Variants in SYNE2 observed in about 807,000 individuals in gnomAD.
SYNE2 encodes nesprin-2.
Under a neutral mutation model 856.3 loss-of-function variants are expected in SYNE2, and 431 were observed. The observed-to-expected ratio is 0.50, with a 90% CI of 0.47 to 0.55. The LOEUF (loss-of-function observed/expected upper bound fraction) is 0.55, where lower values mean the gene tolerates loss of function less well. SYNE2 is among the 20% of genes least tolerant of loss of function. The probability of loss-of-function intolerance (pLI) is 0.00; values close to 1 mark genes in which losing one functional copy is unlikely to be tolerated. For synonymous variants in SYNE2, 2,923 were observed against 2,872.3 expected, an observed-to-expected ratio of 1.02 and a Z score of -0.56; for missense variants, 8,129 against 8,023.2, an observed-to-expected ratio of 1.01 and a Z score of -0.50.
Position 64,186,473 on chromosome 14 carries a change from A to G in SYNE2, c.17606A>G (p.Gln5869Arg). The change falls in exon 97 of 116, where the codon CAA becomes CGA. Residue 5869 changes from glutamine (Q) to arginine (R), a missense_variant. Transcript: ENST00000555002. ...TGGACTCAGAACTTGAAAGAACTTC[A>G]AACTATGAAGGCGGACTTAACCCGG... ...ASWTQNLKELQTMKADLTRHV... is the reference protein window; with the variant it reads ...ASWTQNLKELRTMKADLTRHV... The G allele has an allele frequency of 1.2e-6, 2 of 1,614,252 alleles. No homozygotes were observed.
chr14:63,770,013 A>C (rs1249521945), intron 1 of SYNE2, among the ~76,000 whole-genome samples: 1 of 152,048 alleles, frequency 6.6e-6, no homozygotes, highest in Non-Finnish European at 1.5e-5. Context: ...CTCCGCGGAC[A>C]AGCAATCCTC....
At chr14:63,834,267 G>C (rs984161119) in intron 1 of SYNE2, among the ~76,000 whole-genome samples, 2 of 152,018 alleles carry the variant, frequency 1.3e-5, no homozygotes, top group Non-Finnish European at 2.9e-5. Flanking sequence ...AGAGGTTGAG[G>C]CATAAAAATT....
intron 85 of SYNE2, among the ~76,000 whole-genome samples, chr14:64,154,283 C>A (rs937537651): frequency 2.0e-5 from 3 of 151,096 alleles, no homozygotes; most frequent in Non-Finnish European, 2.9e-5. Context: ...AGAATGACAC[C>A]AAAATCGTAA....
Position 64,214,473 on chromosome 14 carries a change from A to C in SYNE2, c.19333+3A>C. 6.2e-7 allele frequency: 1 copy of C among 1,610,950 alleles called. No individual in the cohort carries two copies. The highest frequency in any genetic ancestry group is 1.1e-5 in the South Asian group (1 of 90,886). On this transcript the variant is annotated splice_donor_region_variant and intron_variant, in intron 106 of 115. Coordinates refer to ENST00000555002, the MANE Select transcript of SYNE2 (RefSeq NM_182914.3). The stretch of plus-strand genomic sequence containing the variant: ...CCCATACTACAGCGCACTGTCAGGT[A>C]ACAGCTGGGTTCCCAGCACCCTGGA...
intron 105 of SYNE2, 71 bp downstream of exon 105, chr14:64,213,076 A>T: frequency 6.6e-7 from 1 of 1,505,862 alleles, no homozygotes; most frequent in Non-Finnish European, 9.2e-7. Flanking sequence ...TTTTTAAAGA[A>T]TTAGGGGACC....
In SYNE2 at chr14:63,912,053, G is replaced by A. The variant is rs559979315; in HGVS notation, c.79+2826G>A. 1.9e-3 allele frequency among the ~76,000 whole-genome samples: 287 copies of A among 152,294 alleles called. 2 individuals carry two copies. Among genetic ancestry groups the A allele is most frequent in the African/African-American group, 6.8e-3 (281 of 41,560 alleles). The stretch of plus-strand genomic sequence containing the variant: ...GCTGTCTTAGGGGGACTGGTAGAAA[G>A]CCAATACTATAATGTCAAGGTGACG... On this transcript the variant is annotated intron_variant, in intron 2 of 115. Transcript: ENST00000555002.
chr14:63,957,879 A>T (rs2096260851), intron 8 of SYNE2, among the ~76,000 whole-genome samples: 1 of 151,850 alleles, frequency 6.6e-6, no homozygotes, highest in South Asian at 2.1e-4. Context: ...GACTTGGGAG[A>T]GTTATGCTCA....
intron 46 of SYNE2, chr14:64,049,325 C>T (rs2097207719): frequency 6.2e-6 from 1 of 160,836 alleles, no homozygotes; most frequent in Admixed American, 6.5e-5. Context: ...GTGACATGCA[C>T]CTGTAGTCCT....
chr14:64,035,269 T>G (rs143713579), intron 45 of SYNE2, among the ~76,000 whole-genome samples: 70 of 152,142 alleles, frequency 4.6e-4, no homozygotes, highest in African/African-American at 1.6e-3. Context: ...AGAATTTGAA[T>G]GAGAAGGAAA....
At chr14:64,100,532 ATAT>A (rs1396264193) in intron 63 of SYNE2, among the ~76,000 whole-genome samples, 500 of 43,106 alleles carry the variant, frequency 0.012, 6 homozygotes, top group Middle Eastern at 0.031. Flanking sequence ...AAAAAAAAAA[ATAT>A]ATATATATAT....
chr14:63,944,259 T>G (rs2095977886), intron 6 of SYNE2, among the ~76,000 whole-genome samples: 1 of 148,086 alleles, frequency 6.8e-6, no homozygotes, highest in African/African-American at 2.5e-5. Context: ...CATGCTCTGA[T>G]GAACAGCTTT....
At chr14:63,810,707 T>G (rs1286701235) in intron 1 of SYNE2, among the ~76,000 whole-genome samples, 1 of 152,240 alleles carries the variant, frequency 6.6e-6, no homozygotes, top group African/African-American at 2.4e-5. Flanking sequence ...TTTTCCAGAT[T>G]TAAGGAAGCC....
rs200570324 is a variant in SYNE2 at position 64,052,299 on chromosome 14, C to T, written c.8386C>T (p.Leu2796Phe). ...AEEVKDKVPS[L>F]TTYEGSDLNN... is the part of the protein sequence containing the mutation. ...AGAGGTCAAAGATAAGGTTCCTAGC[C>T]TTACAACCTATGAGGGCAGTGATTT... Residue 2796 changes from leucine (L) to phenylalanine (F), a missense_variant, in exon 48 of 116, where the codon CTT becomes TTT. Leu to Phe is a conservative substitution (Grantham distance 22). This residue lies in a region of SYNE2 where 5,410 missense variants were observed against 5,284.8 expected (regional missense o/e 1.02). Coordinates refer to ENST00000555002, the MANE Select transcript of SYNE2 (RefSeq NM_182914.3). The T allele has an allele frequency of 3.0e-5, 49 of 1,614,042 alleles. No homozygotes were observed. Among genetic ancestry groups the T allele is most frequent in the Non-Finnish European group, 3.1e-5 (36 of 1,180,036 alleles).
intron 1 of SYNE2, among the ~76,000 whole-genome samples, chr14:63,838,946 T>C: frequency 6.6e-6 from 1 of 152,216 alleles, no homozygotes; most frequent in South Asian, 2.1e-4. Context: ...TTTTACCAAC[T>C]TCCACTTCCA....
At chr14:64,178,122 T>C (rs1244731331) in intron 96 of SYNE2, among the ~76,000 whole-genome samples, 1 of 152,220 alleles carries the variant, frequency 6.6e-6, no homozygotes, top group Non-Finnish European at 1.5e-5. Context: ...TTTAATTTTT[T>C]TCTTCCTTCA....
At chr14:63,795,378 T>C (rs1415312476) in intron 1 of SYNE2, among the ~76,000 whole-genome samples, 2 of 152,162 alleles carry the variant, frequency 1.3e-5, no homozygotes, top group Non-Finnish European at 2.9e-5. Flanking sequence ...CCCTCAAATA[T>C]CAGACTCCAG....
chr14:64,114,378 T>C (rs2097838636), intron 66 of SYNE2, among the ~76,000 whole-genome samples: 1 of 152,198 alleles, frequency 6.6e-6, no homozygotes, highest in Admixed American at 6.5e-5. Flanking sequence ...CTTGTCTTTA[T>C]CATATGGGCT....
chr14:64,026,328 A>G (rs2096978250), intron 41 of SYNE2, among the ~76,000 whole-genome samples: 1 of 152,218 alleles, frequency 6.6e-6, no homozygotes, highest in Non-Finnish European at 1.5e-5. Flanking sequence ...TTTTGGGGGC[A>G]TAAAGGAAGT....
intron 1 of SYNE2, among the ~76,000 whole-genome samples, chr14:63,865,822 C>T (rs930036745): frequency 6.7e-5 from 10 of 149,454 alleles, no homozygotes; most frequent in Non-Finnish European, 1.3e-4. Context: ...AAATCAAAAA[C>T]AAAAAACCTG....
Sources: allele counts gnomAD v4.1 joint callset (sites outside exome capture counted in the v4.1 genomes callset), GRCh38; gene constraint gnomAD v4.1.1; regional missense constraint gnomAD v4.1.1; transcripts MANE v1.5; gene names NCBI Gene and HGNC (gene_info 2026-07-23, HGNC 2026-07-21).